Variants in ARHGAP18 observed in about 807,000 individuals in gnomAD.
ARHGAP18 encodes the protein rho GTPase-activating protein 18.
A neutral mutation model predicts 86.2 loss-of-function variants in ARHGAP18; 67 were observed. That is an observed-to-expected ratio of 0.78 (90% CI 0.64 to 0.95). ARHGAP18 has a LOEUF of 0.95. Ranked by LOEUF, ARHGAP18 falls within the 40% of genes least tolerant of loss-of-function variation. The pLI, the probability that ARHGAP18 is intolerant of heterozygous loss-of-function variation, is 0.00. For missense variants in ARHGAP18, 691 were observed against 780.4 expected, an observed-to-expected ratio of 0.89 and a Z score of 1.37; for synonymous variants, 283 against 280.4, an observed-to-expected ratio of 1.01 and a Z score of -0.09.
At chr6:129,605,982 T>C in intron 9 of ARHGAP18, 23 bp from the exon 10 acceptor site, 2 of 1,602,762 alleles carry the variant, frequency 1.2e-6, no homozygotes, top group Non-Finnish European at 1.7e-6. Context: ...TAAATAAATC[T>C]GAACTCTTTT....
intron 1 of ARHGAP18, among the ~76,000 whole-genome samples, chr6:129,702,961 T>C (rs1392058615): frequency 1.3e-5 from 2 of 151,526 alleles, no homozygotes; most frequent in African/African-American, 4.9e-5. Flanking sequence ...GATTGCGCCA[T>C]GCACTGCAGC....
At position 129,578,601 on chromosome 6, in the gene ARHGAP18, T is replaced by C. The variant is rs748421816; in HGVS notation, c.1904A>G (p.Glu635Gly). 1 of 1,608,752 alleles carries C rather than the reference T, an allele frequency of 6.2e-7. No homozygotes were observed. The highest frequency in any genetic ancestry group is 2.2e-5 in the East Asian group (1 of 44,572). ...FLYEIGGNIG[E>G]RCLDDDTYMK... The stretch of plus-strand genomic sequence containing the variant: ...GTAAGTGTCATCATCAAGGCAGCGT[T>C]CCCCTGTTAAAATAGATGTTGTGTC... Residue 635 changes from glutamate (E) to glycine (G), a missense_variant, in exon 15 of 15, where the codon GAA (glutamate) becomes GGA (glycine). Physicochemically the swap from Glu to Gly is moderately conservative, Grantham distance 98. Transcript: ENST00000368149.
intron 3 of ARHGAP18, among the ~76,000 whole-genome samples, chr6:129,635,808 A>C (rs1773320289): frequency 6.6e-6 from 1 of 152,206 alleles, no homozygotes; most frequent in Non-Finnish European, 1.5e-5. Context: ...CATGCAGTGT[A>C]AGCAAGTTAA....
At chr6:129,652,036 A>G (rs908249808) in intron 1 of ARHGAP18, among the ~76,000 whole-genome samples, 1 of 152,174 alleles carries the variant, frequency 6.6e-6, no homozygotes, top group African/African-American at 2.4e-5. Context: ...CAGCCCTTTG[A>G]TCTTGAACTT....
At chr6:129,657,717 A>C (rs1414920769) in intron 1 of ARHGAP18, among the ~76,000 whole-genome samples, 4 of 152,200 alleles carry the variant, frequency 2.6e-5, no homozygotes, top group Non-Finnish European at 4.4e-5. Flanking sequence ...AATGATTAAA[A>C]GAGGATCTTT....
chr6:129,686,582 C>T (rs960296979), intron 1 of ARHGAP18, among the ~76,000 whole-genome samples: 6 of 152,198 alleles, frequency 3.9e-5, no homozygotes, highest in Non-Finnish European at 8.8e-5. Context: ...CAGTCTCTTC[C>T]CTAGGATACT....
intron 7 of ARHGAP18, 69 bp from the exon 8 acceptor site, chr6:129,611,679 G>T: frequency 7.6e-7 from 1 of 1,316,932 alleles, no homozygotes; most frequent in Non-Finnish European, 1.1e-6. Flanking sequence ...TTTAACATCT[G>T]TTTCACATAT....
At chr6:129,612,261 G>C (rs972951438) in intron 7 of ARHGAP18, among the ~76,000 whole-genome samples, 1 of 152,190 alleles carries the variant, frequency 6.6e-6, no homozygotes, top group Non-Finnish European at 1.5e-5. Context: ...TGGAGGCTAA[G>C]AAGACAATAA....
intron 3 of ARHGAP18, among the ~76,000 whole-genome samples, chr6:129,637,779 C>T (rs150968613): frequency 4.7e-4 from 71 of 152,322 alleles, no homozygotes; most frequent in African/African-American, 1.6e-3. Context: ...TTTGACCACA[C>T]GGTAGCACTG....
chr6:129,691,453 T>G (rs948487909), intron 1 of ARHGAP18, among the ~76,000 whole-genome samples: 1 of 152,232 alleles, frequency 6.6e-6, no homozygotes, highest in Non-Finnish European at 1.5e-5. Context: ...AGTTTTTTCC[T>G]AATAAAATTC....
intron 1 of ARHGAP18, among the ~76,000 whole-genome samples, chr6:129,647,177 G>C (rs531545065): frequency 1.3e-5 from 2 of 151,994 alleles, no homozygotes; most frequent in Non-Finnish European, 2.9e-5. Context: ...TTAATCATTT[G>C]CTGGTGTCCA....
chr6:129,598,967 C>G, intron 12 of ARHGAP18: 2 of 272,516 alleles, frequency 7.3e-6, no homozygotes, highest in Non-Finnish European at 1.4e-5. Flanking sequence ...TGTGTTCAGT[C>G]TTGTCTTGAT....
At chr6:129,582,105 G>A (rs1400286140) in intron 13 of ARHGAP18, among the ~76,000 whole-genome samples, 2 of 151,576 alleles carry the variant, frequency 1.3e-5, no homozygotes, top group African/African-American at 4.9e-5. Flanking sequence ...AAATGGAGAA[G>A]TTTACCAGAC....
chr6:129,577,750 C>T lies in ARHGAP18; in HGVS notation c.*763G>A, dbSNP rs1226822382. 1.3e-5 allele frequency: 2 copies of T among 152,144 alleles called. No individual in the cohort carries two copies. Among genetic ancestry groups the T allele is most frequent in the African/African-American group, 4.8e-5 (2 of 41,420 alleles). The allele number at this position is 152,144 out of a possible 1,614,324, so 9.4% of individuals were successfully genotyped here. On this transcript the variant is annotated 3_prime_UTR_variant, in exon 15 of 15. Transcript: ENST00000368149. Reference sequence around the variant, plus strand: ...TAGACAGAAAGTGCTTTGGCTTTCACTCTCTTGTTATCCATAATCCAATTA... The same window carrying T: ...TAGACAGAAAGTGCTTTGGCTTTCATTCTCTTGTTATCCATAATCCAATTA...
chr6:129,641,732 T>C (rs1773468229), intron 2 of ARHGAP18, 84 bp downstream of exon 2: 4 of 1,299,726 alleles, frequency 3.1e-6, no homozygotes, highest in Non-Finnish European at 4.3e-6. Context: ...GCTTTAATTT[T>C]TTTTTTGTTC....
intron 5 of ARHGAP18, among the ~76,000 whole-genome samples, chr6:129,627,316 C>T (rs1241744575): frequency 6.6e-6 from 1 of 151,976 alleles, no homozygotes; most frequent in Non-Finnish European, 1.5e-5. Flanking sequence ...AATATTAGAT[C>T]ATAATTTTGT....
At chr6:129,592,379 T>C (rs1264543737) in intron 12 of ARHGAP18, among the ~76,000 whole-genome samples, 4 of 152,238 alleles carry the variant, frequency 2.6e-5, no homozygotes, top group Non-Finnish European at 5.9e-5. Context: ...TACACCGCAC[T>C]GCTGCCAATG....
intron 1 of ARHGAP18, among the ~76,000 whole-genome samples, chr6:129,677,217 C>A (rs1374398165): frequency 1.3e-5 from 2 of 152,000 alleles, no homozygotes; most frequent in Non-Finnish European, 2.9e-5. Flanking sequence ...CACGGTGAAA[C>A]CCCGTCTCTA....
intron 13 of ARHGAP18, among the ~76,000 whole-genome samples, chr6:129,582,923 T>A (rs1788317956): frequency 6.6e-6 from 1 of 152,310 alleles, no homozygotes. Flanking sequence ...CCAATAAGCC[T>A]CTCTCTCATT....
Sources: allele counts gnomAD v4.1 joint callset (sites outside exome capture counted in the v4.1 genomes callset), GRCh38; gene constraint gnomAD v4.1.1; transcripts MANE v1.5; gene names NCBI Gene and HGNC (gene_info 2026-07-23, HGNC 2026-07-21).